Variants in G2E3 observed in about 807,000 individuals in gnomAD.
The protein encoded by G2E3 is G2/M-phase specific E3 ubiquitin protein ligase.
Under a neutral mutation model 92.8 loss-of-function variants are expected in G2E3, and 35 were observed. That is an observed-to-expected ratio of 0.38 (90% confidence interval 0.29 to 0.50). The LOEUF (loss-of-function observed/expected upper bound fraction) is 0.50, where lower values mean the gene tolerates loss of function less well. Ranked by LOEUF, G2E3 falls within the 20% of genes least tolerant of loss-of-function variation. The probability of loss-of-function intolerance (pLI) is 0.94; values close to 1 mark genes in which losing one functional copy is unlikely to be tolerated. For synonymous variants in G2E3, 242 were observed against 272.4 expected (o/e 0.89, Z 1.10); for missense variants, 554 against 823.8 (o/e 0.67, Z 4.01).
rs1052216310 is a variant in G2E3, at chr14:30,618,228, C to T, written c.*1694C>T. The T allele has an allele frequency of 7.2e-5, 11 of 151,946 alleles. No individual in the cohort carries two copies. The highest frequency in any genetic ancestry group is 1.3e-4 in the Non-Finnish European group (9 of 67,894). 9.4% of individuals were successfully genotyped at this position (151,946 alleles called of 1,614,324 possible). A position where few individuals can be genotyped will look rare whatever the true frequency, so the allele number is the denominator to read the frequency against. On this transcript the variant is annotated 3_prime_UTR_variant, in exon 15 of 15. Coordinates refer to ENST00000206595, the MANE Select transcript of G2E3 (RefSeq NM_017769.5). ...TTTAAGAACATTAAACAAGACATTT[C>T]TTTGGCTTTGGTTGAATTTTTTTGT...
intron 1 of G2E3, among the ~76,000 whole-genome samples, chr14:30,567,399 AC>A (rs1397419678): frequency 1.3e-5 from 2 of 152,018 alleles, no homozygotes; most frequent in Non-Finnish European, 2.9e-5. Flanking sequence ...TATTTGTTTA[AC>A]CTATTGTTTA....
In G2E3 at chr14:30,592,174, A is replaced by G. The variant is rs1014137486; in HGVS notation, c.238-149A>G. 29 of 654,772 alleles carry G rather than the reference A, an allele frequency of 4.4e-5. No homozygotes were observed. In the African/African-American group the frequency reaches 5.1e-4, roughly 12 times the overall value. 40.6% of individuals were successfully genotyped at this position (654,772 alleles called of 1,614,324 possible). A position where few individuals can be genotyped will look rare whatever the true frequency, so the allele number is the denominator to read the frequency against. Reference sequence around the variant, plus strand: ...TTGTTTCTGGGTAGAACAGTTTTTCAGGAAATTTATTTAATATACCCTTAC... The same window carrying G: ...TTGTTTCTGGGTAGAACAGTTTTTCGGGAAATTTATTTAATATACCCTTAC... On this transcript the variant is annotated intron_variant, in intron 4 of 14. Coordinates refer to ENST00000206595, the MANE Select transcript of G2E3 (RefSeq NM_017769.5).
At chr14:30,592,282 A>AT in intron 4 of G2E3, 41 bp from the exon 5 acceptor site, 1 of 1,580,918 alleles carries the variant, frequency 6.3e-7, no homozygotes, top group Non-Finnish European at 8.7e-7. Context: ...TAATACTCAG[A>AT]TTTTTTATGT....
At chr14:30,604,236 T>C (rs372629410) in intron 10 of G2E3, among the ~76,000 whole-genome samples, 1 of 152,208 alleles carries the variant, frequency 6.6e-6, no homozygotes. Flanking sequence ...ATTATCTTAC[T>C]TCCAAAGGAC....
At chr14:30,576,388 T>G in intron 1 of G2E3, among the ~76,000 whole-genome samples, 1 of 152,166 alleles carries the variant, frequency 6.6e-6, no homozygotes, top group East Asian at 1.9e-4. Context: ...ATTAAAGACT[T>G]AGATGTAAAA....
At chr14:30,607,745 A>G in intron 11 of G2E3, 143 bp from the exon 12 acceptor site, 1 of 533,686 alleles carries the variant, frequency 1.9e-6, no homozygotes, top group Non-Finnish European at 3.3e-6. Context: ...TTTAGGTAAG[A>G]TCTATATTTT....
chr14:30,617,953 A>C lies in G2E3; in HGVS notation c.*1419A>C, dbSNP rs534533178. Reference sequence around the variant, plus strand: ...AAAGTAAATCATTATGGGAAGTAAAATGTTTTAACCATATTTTTCTTAATA... The same window carrying C: ...AAAGTAAATCATTATGGGAAGTAAACTGTTTTAACCATATTTTTCTTAATA... On this transcript the variant is annotated 3_prime_UTR_variant, in exon 15 of 15. Transcript: ENST00000206595. The C allele has an allele frequency of 1.5e-4, 12 of 77,436 alleles. No homozygotes were observed. The South Asian group carries it at 4.4e-3, about 28-fold the overall frequency. 4.8% of individuals were successfully genotyped at this position (77,436 alleles called of 1,614,324 possible).
At chr14:30,592,294 G>A (rs923109970) in intron 4 of G2E3, 29 bp from the exon 5 acceptor site, 3 of 1,600,426 alleles carry the variant, frequency 1.9e-6, no homozygotes, top group Admixed American at 1.7e-5. Flanking sequence ...TTTTTATGTT[G>A]TGACCCCTAT....
chr14:30,605,954 GA>G, intron 11 of G2E3, 142 bp downstream of exon 11: 1 of 458,294 alleles, frequency 2.2e-6, no homozygotes, highest in East Asian at 3.3e-5. Context: ...AGAATCACAG[GA>G]AAGTGGGAAG....
chr14:30,587,490 A>AATT (rs1320358246), intron 3 of G2E3, among the ~76,000 whole-genome samples: 2 of 152,132 alleles, frequency 1.3e-5, no homozygotes, highest in Non-Finnish European at 2.9e-5. Flanking sequence ...ATTATTCTGA[A>AATT]ATTTAGCAGA....
At chr14:30,591,192 T>C (rs1426638982) in intron 4 of G2E3, among the ~76,000 whole-genome samples, 2 of 152,158 alleles carry the variant, frequency 1.3e-5, no homozygotes, top group African/African-American at 4.8e-5. Flanking sequence ...GTCAGTTCAT[T>C]GGGAGAGTTT....
At chr14:30,569,863 C>T (rs1010004672) in intron 1 of G2E3, among the ~76,000 whole-genome samples, 4 of 152,166 alleles carry the variant, frequency 2.6e-5, no homozygotes, top group Non-Finnish European at 4.4e-5. Context: ...CCCCAAACAT[C>T]CCAGGCTTTC....
At chr14:30,601,074 A>C (rs1881547005) in intron 8 of G2E3, among the ~76,000 whole-genome samples, 1 of 151,996 alleles carries the variant, frequency 6.6e-6, no homozygotes, top group Non-Finnish European at 1.5e-5. Flanking sequence ...ATATGCCCCC[A>C]CCTCTGGGGT....
In G2E3 at chr14:30,602,352, CGTGGG is replaced by C. The variant is rs1881611597; in HGVS notation, c.1010+222_1010+226del. ...ATACAAAATACCAAACTGCATCATA[CGTGGG>C]AAAAGTGTATCTATCCTACTGCATC... On this transcript the variant is annotated intron_variant, in intron 10 of 14. Coordinates refer to ENST00000206595, the MANE Select transcript of G2E3 (RefSeq NM_017769.5). Among the ~76,000 whole-genome samples, 11 of 46,276 alleles carry C rather than the reference CGTGGG, an allele frequency of 2.4e-4. No homozygotes were observed. The African/African-American group carries it at 4.5e-3, about 19-fold the overall frequency. The allele number at this position is 46,276 out of a possible 152,430, so 30.4% of individuals were successfully genotyped here. A position where few individuals can be genotyped will look rare whatever the true frequency, so the allele number is the denominator to read the frequency against.
chr14:30,613,826 T>G (rs928089678), intron 13 of G2E3, among the ~76,000 whole-genome samples: 1 of 152,142 alleles, frequency 6.6e-6, no homozygotes, highest in Non-Finnish European at 1.5e-5. Flanking sequence ...AGAATTCCAG[T>G]TCTTAATGAC....
chr14:30,601,966 C>CT, intron 9 of G2E3, 33 bp from the exon 10 acceptor site: 1 of 1,606,014 alleles, frequency 6.2e-7, no homozygotes, highest in East Asian at 2.2e-5. Context: ...ACCTATATCT[C>CT]TATTATGCTA....
intron 12 of G2E3, among the ~76,000 whole-genome samples, chr14:30,610,723 C>T (rs551849255): frequency 6.6e-6 from 1 of 152,074 alleles, no homozygotes; most frequent in African/African-American, 2.4e-5. Flanking sequence ...TCTCATAGAC[C>T]CAGAAAGACA....
intron 13 of G2E3, among the ~76,000 whole-genome samples, chr14:30,614,539 C>G (rs1344066632): frequency 6.6e-6 from 1 of 152,188 alleles, no homozygotes; most frequent in Non-Finnish European, 1.5e-5. Context: ...CCCTTGTGAC[C>G]TACTCACCTC....
At chr14:30,593,673 G>T (rs937052630) in intron 6 of G2E3, 34 bp downstream of exon 6, 2 of 1,452,192 alleles carry the variant, frequency 1.4e-6, no homozygotes, top group Non-Finnish European at 1.9e-6. Flanking sequence ...TTCTCTGATT[G>T]ATATAAAATT....
Sources: allele counts gnomAD v4.1 joint callset (sites outside exome capture counted in the v4.1 genomes callset), GRCh38; gene constraint gnomAD v4.1.1; transcripts MANE v1.5; gene names NCBI Gene and HGNC (gene_info 2026-07-23, HGNC 2026-07-21).